The following CTNNA2 variants were observed in gnomAD, a reference collection of about 807,000 sequenced individuals.
CTNNA2 encodes the protein catenin alpha-2.
In CTNNA2, 42 loss-of-function variants were observed where a neutral mutation model predicts 101.0. The ratio of observed to expected loss-of-function variants is 0.42; its 90% CI spans 0.32 to 0.54. CTNNA2 has a LOEUF of 0.54. Among genes scored for constraint, CTNNA2 ranks in the 20% least tolerant of loss-of-function variants. The pLI is 0.14. For synonymous variants in CTNNA2, 450 were observed against 456.4 expected, an observed-to-expected ratio of 0.99 and a Z score of 0.18; for missense variants, 871 against 1,223.1, an observed-to-expected ratio of 0.71 and a Z score of 4.29.
At chr2:80,104,654 A>G (rs777239691) in intron 7 of CTNNA2, among the ~76,000 whole-genome samples, 1 of 152,212 alleles carries the variant, frequency 6.6e-6, no homozygotes, top group Non-Finnish European at 1.5e-5. Flanking sequence ...TATGATTTGT[A>G]TTAATATTTT....
intron 1 of CTNNA2, among the ~76,000 whole-genome samples, chr2:79,544,228 G>A (rs1342367290): frequency 5.3e-5 from 8 of 152,146 alleles, no homozygotes; most frequent in Non-Finnish European, 7.4e-5. Context: ...ATGAGCCACC[G>A]CGCCCAGCTG....
At chr2:79,521,169 A>ATATATATAT (rs1672102790) in intron 1 of CTNNA2, among the ~76,000 whole-genome samples, 2 of 107,574 alleles carry the variant, frequency 1.9e-5, no homozygotes, top group African/African-American at 7.0e-5. Context: ...TATATATATA[A>ATATATATAT]ATTTTAAGGT....
intron 2 of CTNNA2, among the ~76,000 whole-genome samples, chr2:79,230,218 C>T (rs902337523): frequency 6.6e-6 from 1 of 152,170 alleles, no homozygotes; most frequent in South Asian, 2.1e-4. Context: ...CACCAGGCAG[C>T]CCTTCTCATC....
At chr2:79,710,473 G>C (rs1339473748) in intron 2 of CTNNA2, among the ~76,000 whole-genome samples, 1 of 152,180 alleles carries the variant, frequency 6.6e-6, no homozygotes, top group African/African-American at 2.4e-5. Flanking sequence ...TGTTATATTT[G>C]TTAGTCATGA....
At chr2:79,891,276 G>A (rs754287483) in intron 6 of CTNNA2, among the ~76,000 whole-genome samples, 9 of 152,148 alleles carry the variant, frequency 5.9e-5, no homozygotes, top group Non-Finnish European at 1.2e-4. Context: ...TAAGAATCGT[G>A]TTTTATTTTA....
intron 7 of CTNNA2, among the ~76,000 whole-genome samples, chr2:80,133,573 T>C (rs1276110315): frequency 6.6e-6 from 1 of 152,180 alleles, no homozygotes; most frequent in Non-Finnish European, 1.5e-5. Context: ...TAGATTCTCC[T>C]ACAATGGGAC....
intron 14 of CTNNA2, among the ~76,000 whole-genome samples, chr2:80,584,463 T>C (rs1695804956): frequency 1.3e-5 from 2 of 151,234 alleles, no homozygotes; most frequent in Admixed American, 1.3e-4. Flanking sequence ...GGGGAATGAA[T>C]GGGAATCAAT....
At chr2:80,004,978 G>T (rs2103981983) in intron 7 of CTNNA2, among the ~76,000 whole-genome samples, 1 of 152,298 alleles carries the variant, frequency 6.6e-6, no homozygotes, top group East Asian at 1.9e-4. Flanking sequence ...TTACAGGTGG[G>T]AGCCACCGTG....
chr2:79,353,794 G>C (rs1458341789), intron 3 of CTNNA2, among the ~76,000 whole-genome samples: 1 of 152,108 alleles, frequency 6.6e-6, no homozygotes, highest in Non-Finnish European at 1.5e-5. Flanking sequence ...TGTTTTTGTG[G>C]TGGCAGATAT....
At chr2:79,651,485 T>G (rs767967880) in intron 1 of CTNNA2, 67 bp from the exon 2 acceptor site, 96 of 1,452,022 alleles carry the variant, frequency 6.6e-5, no homozygotes, top group Non-Finnish European at 9.3e-5. Context: ...TTACCCATTT[T>G]GAATCACCAA....
intron 7 of CTNNA2, among the ~76,000 whole-genome samples, chr2:80,170,820 G>T (rs1443001405): frequency 6.6e-6 from 1 of 152,174 alleles, no homozygotes; most frequent in South Asian, 2.1e-4. Context: ...TGTTGGGTGG[G>T]TGAGGTGTTA....
intron 3 of CTNNA2, among the ~76,000 whole-genome samples, chr2:79,331,057 A>G (rs1189320782): frequency 6.6e-6 from 1 of 152,142 alleles, no homozygotes. Flanking sequence ...TTCAACCTCT[A>G]TGTAGCATTT....
rs1553387588 is a variant in CTNNA2 at position 80,559,891 on chromosome 2, T to TATATATATATATACACAC, written c.1741+3999_1741+4000insTATATATATATACACACA. Among the ~76,000 whole-genome samples, 6 of 146,884 alleles carry TATATATATATATACACAC rather than the reference T, an allele frequency of 4.1e-5. 1 individual carries two copies. Among genetic ancestry groups the TATATATATATATACACAC allele is most frequent in the African/African-American group, 1.6e-4 (6 of 38,214 alleles). ...GCGATATCATATTTATATATATATA[T>TATATATATATATACACAC]ACACACACATACAGTAGCTCATTCT... On this transcript the variant is annotated intron_variant, in intron 12 of 18. Transcript: ENST00000402739.
intron 1 of CTNNA2, among the ~76,000 whole-genome samples, chr2:79,583,463 T>G (rs1676273601): frequency 6.6e-6 from 1 of 152,006 alleles, no homozygotes; most frequent in Admixed American, 6.6e-5. Flanking sequence ...TCAGTCAATT[T>G]TAGTGATTCT....
intron 7 of CTNNA2, among the ~76,000 whole-genome samples, chr2:80,093,614 C>T: frequency 6.6e-6 from 1 of 152,110 alleles, no homozygotes; most frequent in East Asian, 1.9e-4. Context: ...AGTTTACAGT[C>T]CCACCAACAG....
chr2:79,339,136 A>T (rs954256994), intron 3 of CTNNA2, among the ~76,000 whole-genome samples: 1 of 151,890 alleles, frequency 6.6e-6, no homozygotes, highest in African/African-American at 2.4e-5. Flanking sequence ...GAGAGTGAAC[A>T]GGGGATGTTC....
intron 4 of CTNNA2, among the ~76,000 whole-genome samples, chr2:79,484,578 A>G (rs561925434): frequency 6.6e-6 from 1 of 152,246 alleles, no homozygotes; most frequent in African/African-American, 2.4e-5. Flanking sequence ...ATTAGCTAGA[A>G]GTAGGTAACC....
Position 79,555,458 on chromosome 2 carries a change from A to C in CTNNA2, c.-6+42251A>C, listed in dbSNP as rs1238338536. On this transcript the variant is annotated intron_variant, in intron 1 of 18. Coordinates refer to ENST00000402739, the MANE Select transcript of CTNNA2 (RefSeq NM_001282597.3). ...TTCAATAGTTAATATGAGTTTACAT[A>C]CTACGAATTTAGAAGAGGCAGTCAT... Among the ~76,000 whole-genome samples the C allele has an allele frequency of 2.0e-5, 3 of 152,152 alleles. No individual in the cohort carries two copies. In the East Asian group the frequency reaches 5.8e-4, roughly 29 times the overall value.
intron 3 of CTNNA2, among the ~76,000 whole-genome samples, chr2:79,346,281 A>G (rs1190930450): frequency 1.3e-5 from 2 of 152,176 alleles, no homozygotes; most frequent in African/African-American, 4.8e-5. Context: ...CTGAAGAGAC[A>G]GACTATTATT....
Sources: gnomAD v4.1 joint callset for allele counts (sites outside exome capture counted in the v4.1 genomes callset) on GRCh38, gnomAD v4.1.1 for gene constraint, MANE v1.5 for transcripts, NCBI Gene and HGNC (gene_info 2026-07-23, HGNC 2026-07-21) for gene names.